The following SLC3A1 variants were observed in gnomAD, a reference collection of about 807,000 sequenced individuals.
SLC3A1 encodes solute carrier family 3 member 1, also known as amino acid transporter heavy chain SLC3A1.
Under a neutral mutation model 60.3 loss-of-function variants are expected in SLC3A1, and 78 were observed. The ratio of observed to expected loss-of-function variants is 1.29; its 90% CI spans 1.08 to 1.56. SLC3A1 has a LOEUF of 1.56. SLC3A1 is among the 40% of genes most tolerant of loss of function. The pLI, the probability that SLC3A1 is intolerant of heterozygous loss-of-function variation, is 0.00. For synonymous variants in SLC3A1, 392 were observed against 307.9 expected (o/e 1.27, Z -2.86); for missense variants, 1,172 against 858.9 (o/e 1.36, Z -4.56).
chr2:44,282,569 C>T (rs1000088685), intron 3 of SLC3A1, among the ~76,000 whole-genome samples: 2 of 152,144 alleles, frequency 1.3e-5, no homozygotes, highest in African/African-American at 4.8e-5. Context: ...TCAGAATGCC[C>T]AGTTAAATCT....
chr2:44,294,036 T>A (rs1671795192), intron 4 of SLC3A1, among the ~76,000 whole-genome samples: 1 of 152,066 alleles, frequency 6.6e-6, no homozygotes, highest in African/African-American at 2.4e-5. Context: ...AAGTGCAATG[T>A]CGAGAGGGTG....
At chr2:44,291,792 G>A (rs1195604410) in intron 4 of SLC3A1, among the ~76,000 whole-genome samples, 4 of 152,076 alleles carry the variant, frequency 2.6e-5, no homozygotes, top group Non-Finnish European at 4.4e-5. Flanking sequence ...CTTCCTCCCC[G>A]CTCCTATCAG....
chr2:44,281,628 A>C, intron 3 of SLC3A1, 87 bp downstream of exon 3: 1 of 1,252,172 alleles, frequency 8.0e-7, no homozygotes, highest in Non-Finnish European at 1.2e-6. Flanking sequence ...TTTGAGGGAA[A>C]AATGAATGAA....
At chr2:44,310,675 T>G (rs1263010642) in intron 7 of SLC3A1, among the ~76,000 whole-genome samples, 1 of 152,030 alleles carries the variant, frequency 6.6e-6, no homozygotes, top group Non-Finnish European at 1.5e-5. Context: ...AAAATCAAAT[T>G]TGGGAAGTTG....
intron 1 of SLC3A1, among the ~76,000 whole-genome samples, chr2:44,278,483 T>TA (rs1304893949): frequency 1.3e-5 from 2 of 151,408 alleles, no homozygotes; most frequent in East Asian, 3.9e-4. Context: ...TAAAATAAAA[T>TA]AAAATAAATA....
chr2:44,295,232 C>T (rs901784329), intron 4 of SLC3A1, among the ~76,000 whole-genome samples: 3 of 152,114 alleles, frequency 2.0e-5, no homozygotes, highest in African/African-American at 4.8e-5. Context: ...CTCAGAGCAG[C>T]GAGCTATTTA....
intron 3 of SLC3A1, among the ~76,000 whole-genome samples, chr2:44,284,627 A>G (rs1671573784): frequency 2.0e-5 from 3 of 152,106 alleles, no homozygotes; most frequent in African/African-American, 7.2e-5. Flanking sequence ...TAGTGGCTCA[A>G]TCATAGCTTA....
intron 7 of SLC3A1, among the ~76,000 whole-genome samples, chr2:44,305,413 CCTTT>C (rs151197118): frequency 0.026 from 3,767 of 146,940 alleles, 153 homozygotes; most frequent in African/African-American, 0.089. Flanking sequence ...TAAAAGACAA[CCTTT>C]CTTTTCTTAC....
At chr2:44,315,130 A>T (rs1672396756) in intron 9 of SLC3A1, 1 of 151,698 alleles carries the variant, frequency 6.6e-6, no homozygotes. Context: ...TTTAGTGGAG[A>T]CGGGGTTTCA....
Position 44,304,125 on chromosome 2 carries a change from C to G in SLC3A1, c.1137-18C>G, listed in dbSNP as rs371320502. 335 of 1,609,778 alleles carry G rather than the reference C, an allele frequency of 2.1e-4. 1 individual carries two copies. Among genetic ancestry groups the G allele is most frequent in the Non-Finnish European group, 2.7e-4 (318 of 1,176,138 alleles). On this transcript the variant is annotated intron_variant, in intron 6 of 9. Coordinates refer to ENST00000260649, the MANE Select transcript of SLC3A1 (RefSeq NM_000341.4). ...TCTGACAGGCCCCGATGACACTGAA[C>G]CTTGTCAACTCTTATAGGTTCATGG...
At chr2:44,287,108 G>A (rs900676329) in intron 4 of SLC3A1, among the ~76,000 whole-genome samples, 4 of 152,096 alleles carry the variant, frequency 2.6e-5, no homozygotes, top group Non-Finnish European at 4.4e-5. Context: ...TAAGCACTGG[G>A]AATGCAGCAG....
Position 44,321,313 on chromosome 2 carries a change from A to C in SLC3A1, c.*674A>C. The C allele has an allele frequency of 2.0e-6, 3 of 1,468,470 alleles. No homozygotes were observed. Among genetic ancestry groups the C allele is most frequent in the Non-Finnish European group, 2.8e-6 (3 of 1,056,564 alleles). The allele number at this position is 1,468,470 out of a possible 1,614,324, so 91.0% of individuals were successfully genotyped here. ...TAACTCAATTGGAAGTAAGACTATG[A>C]AATATTTCAGTGTGTTTCCAATTCC... On this transcript the variant is annotated 3_prime_UTR_variant, in exon 10 of 10. Coordinates refer to ENST00000260649, the MANE Select transcript of SLC3A1 (RefSeq NM_000341.4).
chr2:44,288,400 C>T (rs1447522797), intron 4 of SLC3A1, among the ~76,000 whole-genome samples: 1 of 152,048 alleles, frequency 6.6e-6, no homozygotes, highest in Non-Finnish European at 1.5e-5. Context: ...GGCCCCCTCC[C>T]TTTCTTCCCC....
intron 8 of SLC3A1, 150 bp from the exon 9 acceptor site, chr2:44,313,685 A>G: frequency 1.4e-6 from 1 of 733,080 alleles, no homozygotes; most frequent in Non-Finnish European, 2.5e-6. Context: ...TATGTACCGA[A>G]AGTTGAGGCC....
At chr2:44,319,600 T>C (rs1269131658) in intron 9 of SLC3A1, 1 of 152,614 alleles carries the variant, frequency 6.6e-6, no homozygotes, top group South Asian at 2.1e-4. Flanking sequence ...CCAAATCATC[T>C]TTAATGAACA....
intron 7 of SLC3A1, among the ~76,000 whole-genome samples, chr2:44,308,666 C>G (rs1672216062): frequency 6.6e-6 from 1 of 151,776 alleles, no homozygotes; most frequent in Non-Finnish European, 1.5e-5. Flanking sequence ...GTATATTGAT[C>G]TTGTATCCTA....
chr2:44,290,290 T>C (rs2104348558), intron 4 of SLC3A1, among the ~76,000 whole-genome samples: 1 of 152,382 alleles, frequency 6.6e-6, no homozygotes, highest in East Asian at 1.9e-4. Context: ...TTCATCTATA[T>C]GTCTGTCCTT....
Position 44,301,143 on chromosome 2 carries a change from T to G in SLC3A1, c.1136+16T>G, listed in dbSNP as rs371786942. On this transcript the variant is annotated intron_variant, in intron 6 of 9. Coordinates refer to ENST00000260649, the MANE Select transcript of SLC3A1 (RefSeq NM_000341.4). Reference sequence around the variant, plus strand: ...GCAGATACAGGTTGACCACGGCATATGCTCTCATTTCTTCCCAGGCTTAGT... The same window carrying G: ...GCAGATACAGGTTGACCACGGCATAGGCTCTCATTTCTTCCCAGGCTTAGT... 18 of 1,614,058 alleles carry G rather than the reference T, an allele frequency of 1.1e-5. No individual in the cohort carries two copies. In the East Asian group the frequency reaches 3.1e-4, roughly 28 times the overall value.
chr2:44,289,638 T>C (rs1671694468), intron 4 of SLC3A1, among the ~76,000 whole-genome samples: 1 of 151,950 alleles, frequency 6.6e-6, no homozygotes. Flanking sequence ...TATTTATTTA[T>C]TTGTTTTTTG....
Sources: allele counts gnomAD v4.1 joint callset (sites outside exome capture counted in the v4.1 genomes callset), GRCh38; gene constraint gnomAD v4.1.1; transcripts MANE v1.5; gene names NCBI Gene and HGNC (gene_info 2026-07-23, HGNC 2026-07-21).